The following HOOK3 variants were observed in gnomAD, a reference collection of about 807,000 sequenced individuals.
HOOK3 encodes the protein hook microtubule tethering protein 3.
Under a neutral mutation model 116.3 loss-of-function variants are expected in HOOK3, and 24 were observed. The observed-to-expected ratio is 0.21, with a 90% CI of 0.15 to 0.29. The LOEUF is 0.29. Among genes scored for constraint, HOOK3 ranks in the 10% least tolerant of loss-of-function variants. The pLI, the probability that HOOK3 is intolerant of heterozygous loss-of-function variation, is 1.00. For missense variants in HOOK3, 632 were observed against 830.2 expected, an observed-to-expected ratio of 0.76 and a Z score of 2.93; for synonymous variants, 275 against 283.0, an observed-to-expected ratio of 0.97 and a Z score of 0.28.
intron 1 of HOOK3, among the ~76,000 whole-genome samples, chr8:42,900,087 G>C (rs1807154000): frequency 6.6e-6 from 1 of 152,166 alleles, no homozygotes; most frequent in Non-Finnish European, 1.5e-5. Context: ...CCTTTTATCA[G>C]ACAGCCTACT....
chr8:42,978,472 G>A (rs1402563069), intron 13 of HOOK3, among the ~76,000 whole-genome samples: 4 of 149,948 alleles, frequency 2.7e-5, no homozygotes, highest in African/African-American at 9.9e-5. Context: ...GTGCAATGGC[G>A]CTATCTAAGC....
Position 43,020,354 on chromosome 8 carries a change from A to AT in HOOK3, c.*1856_*1857insT, listed in dbSNP as rs2130499129. 1.0e-5 allele frequency: 2 copies of AT among 194,906 alleles called. No homozygotes were observed. Among genetic ancestry groups the AT allele is most frequent in the Admixed American group, 1.2e-4 (2 of 16,400 alleles). The allele number at this position is 194,906 out of a possible 1,614,324, so 12.1% of individuals were successfully genotyped here. Reference sequence around the variant, plus strand: ...GCAAAGTTTCCAAAGTAAAAGATTAAAAACTTTCAGACGGTTCTTACCTCT... The same window carrying AT: ...GCAAAGTTTCCAAAGTAAAAGATTAATAAACTTTCAGACGGTTCTTACCTCT... On this transcript the variant is annotated 3_prime_UTR_variant, in exon 22 of 22. Coordinates refer to ENST00000307602, the MANE Select transcript of HOOK3 (RefSeq NM_032410.4).
intron 3 of HOOK3, 122 bp from the exon 4 acceptor site, chr8:42,930,000 T>G (rs1341623824): frequency 3.6e-6 from 3 of 828,000 alleles, no homozygotes; most frequent in Non-Finnish European, 5.5e-6. Context: ...TTTTGAATTT[T>G]ATTTGTTAAT....
At chr8:42,916,615 C>G (rs1290390640) in intron 2 of HOOK3, among the ~76,000 whole-genome samples, 34 of 152,250 alleles carry the variant, frequency 2.2e-4, no homozygotes, top group Admixed American at 2.2e-3. Context: ...AAAGTGCTTG[C>G]TGTTGACACA....
chr8:42,944,322 A>T (rs1266713026), intron 5 of HOOK3, among the ~76,000 whole-genome samples: 1 of 152,058 alleles, frequency 6.6e-6, no homozygotes, highest in Admixed American at 6.5e-5. Context: ...TGTCTGAGGC[A>T]TGAGAATCAC....
intron 11 of HOOK3, among the ~76,000 whole-genome samples, chr8:42,971,917 A>G (rs1348716096): frequency 6.6e-6 from 1 of 152,136 alleles, no homozygotes; most frequent in Non-Finnish European, 1.5e-5. Flanking sequence ...TTCTGAGCTC[A>G]GGCAATCTGC....
At chr8:42,897,939 G>T (rs1182033933) in intron 1 of HOOK3, among the ~76,000 whole-genome samples, 1 of 152,202 alleles carries the variant, frequency 6.6e-6, no homozygotes, top group Non-Finnish European at 1.5e-5. Context: ...CGGGGAGGGG[G>T]AGGGATGCGC....
At chr8:43,008,606 A>G (rs981322374) in intron 18 of HOOK3, among the ~76,000 whole-genome samples, 1 of 151,340 alleles carries the variant, frequency 6.6e-6, no homozygotes, top group Admixed American at 6.6e-5. Flanking sequence ...GATGTGAGCA[A>G]CCATACCTGG....
rs191364456 is a variant in HOOK3 at position 43,018,700 on chromosome 8, A to T, written c.*202A>T. ...TTTTTATTTTGTAGTCCTTTCAGTT[A>T]TTTTTAATGTGCCAAAAATTTGTAC... On this transcript the variant is annotated 3_prime_UTR_variant, in exon 22 of 22. Transcript: ENST00000307602. 2.1e-6 allele frequency: 1 copy of T among 479,438 alleles called. No individual in the cohort carries two copies. Among genetic ancestry groups the T allele is most frequent in the Non-Finnish European group, 3.5e-6 (1 of 287,578 alleles). 29.7% of individuals were successfully genotyped at this position (479,438 alleles called of 1,614,324 possible).
intron 13 of HOOK3, among the ~76,000 whole-genome samples, chr8:42,981,530 T>G (rs1162944017): frequency 6.6e-6 from 1 of 152,124 alleles, no homozygotes; most frequent in Non-Finnish European, 1.5e-5. Flanking sequence ...TGAAACAGTG[T>G]GAAAGTTCAG....
rs1265669275 is a variant in HOOK3 at position 43,018,343 on chromosome 8, G to A, written c.2017-15G>A. On this transcript the variant is annotated splice_polypyrimidine_tract_variant and intron_variant, in intron 21 of 21. Coordinates refer to ENST00000307602, the MANE Select transcript of HOOK3 (RefSeq NM_032410.4). ...TATTTTTTCATTGATTCCTTTTTTTGTTTTAATGTTGCAGGGAATGACCCT... is the reference window on the plus strand; with the variant it reads ...TATTTTTTCATTGATTCCTTTTTTTATTTTAATGTTGCAGGGAATGACCCT... The A allele has an allele frequency of 6.5e-7, 1 of 1,549,272 alleles. No individual in the cohort carries two copies.
rs1809791303 is a variant in HOOK3 at position 43,019,879 on chromosome 8, T to G, written c.*1381T>G. On this transcript the variant is annotated 3_prime_UTR_variant, in exon 22 of 22. Transcript: ENST00000307602. Reference sequence around the variant, plus strand: ...AAACATTTCTGAAATTAGGTCATGGTTTTTTTGTTTATTTTTAGGTTAGGT... The same window carrying G: ...AAACATTTCTGAAATTAGGTCATGGGTTTTTTGTTTATTTTTAGGTTAGGT... 4.9e-6 allele frequency: 1 copy of G among 202,898 alleles called. No individual in the cohort carries two copies. The highest frequency in any genetic ancestry group is 1.0e-5 in the Non-Finnish European group (1 of 98,996). 12.6% of individuals were successfully genotyped at this position (202,898 alleles called of 1,614,324 possible).
chr8:43,011,107 C>G (rs1809600958), intron 19 of HOOK3, among the ~76,000 whole-genome samples: 1 of 152,190 alleles, frequency 6.6e-6, no homozygotes, highest in Non-Finnish European at 1.5e-5. Context: ...ATTCTCCTGC[C>G]TCAGCCTCCC....
rs548644028 is a variant in HOOK3 at position 42,971,360 on chromosome 8, A to G, written c.1123-1929A>G. The stretch of plus-strand genomic sequence containing the variant: ...CAGCTTATCGCAACCTCCACCTCCC[A>G]GGTTCAAGCGATTCTCCTGCCTCAG... On this transcript the variant is annotated intron_variant, in intron 11 of 21. Transcript: ENST00000307602. 1.7e-3 allele frequency among the ~76,000 whole-genome samples: 262 copies of G among 150,810 alleles called. 1 individual carries two copies. Among genetic ancestry groups the G allele is most frequent in the Admixed American group, 4.0e-3 (60 of 15,186 alleles).
At chr8:42,960,464 T>C (rs571103130) in intron 8 of HOOK3, among the ~76,000 whole-genome samples, 87 of 152,346 alleles carry the variant, frequency 5.7e-4, no homozygotes, top group South Asian at 1.0e-3. Context: ...AAGCATGTAA[T>C]GTTTAATGTA....
In HOOK3 at chr8:42,982,514, T is replaced by G. The variant is rs1261743634; in HGVS notation, c.1322-113T>G. ...TTTAAGACCACTGTGACGTGGTCCTTTACTTGAAAATGATTTTTGCTGTTA... is the reference window on the plus strand; with the variant it reads ...TTTAAGACCACTGTGACGTGGTCCTGTACTTGAAAATGATTTTTGCTGTTA... On this transcript the variant is annotated intron_variant, in intron 13 of 21. Coordinates refer to ENST00000307602, the MANE Select transcript of HOOK3 (RefSeq NM_032410.4). The G allele has an allele frequency of 2.0e-5, 14 of 717,628 alleles. No homozygotes were observed. In the Admixed American group the frequency reaches 2.7e-4, roughly 14 times the overall value. The allele number at this position is 717,628 out of a possible 1,614,324, so 44.5% of individuals were successfully genotyped here.
chr8:42,923,466 G>T (rs1807703350), intron 2 of HOOK3, among the ~76,000 whole-genome samples: 2 of 152,080 alleles, frequency 1.3e-5, no homozygotes, highest in Non-Finnish European at 2.9e-5. Flanking sequence ...ATCTATAAAT[G>T]GAATATTATT....
Position 42,958,498 on chromosome 8 carries a change from CAT to C in HOOK3, c.532-731_532-730del, listed in dbSNP as rs549760407. Reference sequence around the variant, plus strand: ...TTTTAACGGTGCTGTACAAAATTAACATAAGGTTTTTTGCTTCAGTAATATTT... The same window carrying C: ...TTTTAACGGTGCTGTACAAAATTAACAAGGTTTTTTGCTTCAGTAATATTT... On this transcript the variant is annotated intron_variant, in intron 7 of 21. Coordinates refer to ENST00000307602, the MANE Select transcript of HOOK3 (RefSeq NM_032410.4). 8.6e-5 allele frequency among the ~76,000 whole-genome samples: 13 copies of C among 150,896 alleles called. No individual in the cohort carries two copies. The South Asian group carries it at 2.7e-3, about 32-fold the overall frequency.
intron 15 of HOOK3, among the ~76,000 whole-genome samples, chr8:42,990,763 T>C (rs564929068): frequency 6.6e-6 from 1 of 152,104 alleles, no homozygotes; most frequent in South Asian, 2.1e-4. Context: ...TTTTCACCCA[T>C]TCTGTCGGTT....
Sources: gnomAD v4.1 joint callset for allele counts (sites outside exome capture counted in the v4.1 genomes callset) on GRCh38, gnomAD v4.1.1 for gene constraint, MANE v1.5 for transcripts, NCBI Gene and HGNC (gene_info 2026-07-23, HGNC 2026-07-21) for gene names.